CMSS1: variants seen among roughly 807,000 people sequenced by gnomAD.
CMSS1 encodes the protein cms1 ribosomal small subunit homolog.
CMSS1 carries 33 observed loss-of-function variants against 43.5 expected under a neutral mutation model. The observed-to-expected ratio is 0.76, with a 90% CI of 0.57 to 1.01. The LOEUF is 1.01. Among genes scored for constraint, CMSS1 ranks in the 50% least tolerant of loss-of-function variants. CMSS1 has a pLI of 0.00. For missense variants in CMSS1, 313 were observed against 326.4 expected (o/e 0.96, Z 0.32); for synonymous variants, 115 against 117.2 (o/e 0.98, Z 0.12).
intron 6 of CMSS1, among the ~76,000 whole-genome samples, chr3:100,168,753 A>G (rs1200820028): frequency 6.6e-6 from 1 of 151,320 alleles, no homozygotes; most frequent in African/African-American, 2.4e-5. Flanking sequence ...TTTTTTTTTA[A>G]CTGGATAAAC....
intron 1 of CMSS1, among the ~76,000 whole-genome samples, chr3:99,885,947 A>G (rs1705881108): frequency 6.6e-6 from 1 of 152,210 alleles, no homozygotes; most frequent in Non-Finnish European, 1.5e-5. Flanking sequence ...GCCTCCAACA[A>G]CTAGTAGCAC....
intron 1 of CMSS1, among the ~76,000 whole-genome samples, chr3:100,134,520 A>T (rs1342656670): frequency 6.6e-6 from 1 of 152,202 alleles, no homozygotes; most frequent in Non-Finnish European, 1.5e-5. Context: ...GGACAGTAGT[A>T]ATCCATATTA....
At chr3:100,047,250 GA>G (rs1489045514) in intron 1 of CMSS1, among the ~76,000 whole-genome samples, 1 of 152,058 alleles carries the variant, frequency 6.6e-6, no homozygotes, top group Admixed American at 6.6e-5. Flanking sequence ...CTTCTTTTGA[GA>G]ACAATATATC....
rs143811215 is a variant in CMSS1 at position 100,125,978 on chromosome 3, G to A, written c.65-20995G>A. ...AGGAACTTGTGGTATAAAGGGTCAT[G>A]TTAATATTTGCCACCAAGTTAAAAA... On this transcript the variant is annotated intron_variant, in intron 1 of 9. Coordinates refer to ENST00000421999, the MANE Select transcript of CMSS1 (RefSeq NM_032359.4). 2.9e-3 allele frequency among the ~76,000 whole-genome samples: 443 copies of A among 152,256 alleles called. 2 individuals are homozygous for A. The highest frequency in any genetic ancestry group is 0.013 in the South Asian group (63 of 4,826).
chr3:100,063,395 T>C, intron 1 of CMSS1, among the ~76,000 whole-genome samples: 1 of 152,222 alleles, frequency 6.6e-6, no homozygotes, highest in Middle Eastern at 3.4e-3. Flanking sequence ...AATTATTGTA[T>C]TCTTCTTGGT....
chr3:99,927,695 A>G (rs1707339612), intron 1 of CMSS1, among the ~76,000 whole-genome samples: 1 of 152,104 alleles, frequency 6.6e-6, no homozygotes. Context: ...TATTTTTTGG[A>G]AGAACTAAGA....
intron 1 of CMSS1, among the ~76,000 whole-genome samples, chr3:99,979,772 A>G (rs1709067530): frequency 6.6e-6 from 1 of 152,222 alleles, no homozygotes. Flanking sequence ...GGATATAAAG[A>G]GGAATGGGAC....
chr3:100,131,492 G>T (rs1461365939), intron 1 of CMSS1, among the ~76,000 whole-genome samples: 1 of 152,180 alleles, frequency 6.6e-6, no homozygotes, highest in Non-Finnish European at 1.5e-5. Flanking sequence ...AGTGGCAGAG[G>T]TGTGATGTGA....
chr3:100,052,020 A>T (rs926135514), intron 1 of CMSS1, among the ~76,000 whole-genome samples: 11 of 151,570 alleles, frequency 7.3e-5, no homozygotes, highest in Admixed American at 7.2e-4. Flanking sequence ...CAAGAAACAC[A>T]TGCAATTTAC....
intron 1 of CMSS1, among the ~76,000 whole-genome samples, chr3:100,005,756 T>C (rs1386618466): frequency 6.6e-6 from 1 of 151,856 alleles, no homozygotes; most frequent in Non-Finnish European, 1.5e-5. Flanking sequence ...TGAGGAAGAG[T>C]GTTGTGAATT....
intron 1 of CMSS1, among the ~76,000 whole-genome samples, chr3:99,827,777 G>A (rs1320509744): frequency 1.5e-4 from 23 of 151,994 alleles, no homozygotes; most frequent in Admixed American, 1.5e-3. Context: ...GGCTAATTTT[G>A]CATTTTTAGT....
chr3:99,977,808 T>A (rs1709014483), intron 1 of CMSS1, among the ~76,000 whole-genome samples: 1 of 152,180 alleles, frequency 6.6e-6, no homozygotes, highest in African/African-American at 2.4e-5. Context: ...TCTGATGGCC[T>A]AAACCTAGGC....
intron 1 of CMSS1, among the ~76,000 whole-genome samples, chr3:99,925,464 C>T (rs1319628138): frequency 6.6e-6 from 1 of 152,156 alleles, no homozygotes; most frequent in African/African-American, 2.4e-5. Flanking sequence ...GCCCAGTTTA[C>T]AGACTGGAAA....
chr3:100,174,530 A>G (rs1193700843), intron 8 of CMSS1, among the ~76,000 whole-genome samples: 2 of 152,232 alleles, frequency 1.3e-5, no homozygotes, highest in East Asian at 3.8e-4. Context: ...GCGATTTTTA[A>G]AAAAATATTA....
intron 1 of CMSS1, chr3:99,848,898 ACT>A: frequency 6.2e-7 from 1 of 1,611,550 alleles, no homozygotes; most frequent in Non-Finnish European, 8.5e-7. Flanking sequence ...AAGAGTGAGG[ACT>A]CTCTGTGGTT....
intron 1 of CMSS1, among the ~76,000 whole-genome samples, chr3:100,042,272 T>G (rs2065217553): frequency 6.6e-6 from 1 of 152,186 alleles, no homozygotes; most frequent in Admixed American, 6.5e-5. Flanking sequence ...TCACAGAGCT[T>G]AGTGCTGTAA....
At chr3:100,096,176 TACA>T (rs1267051519) in intron 1 of CMSS1, among the ~76,000 whole-genome samples, 3 of 152,134 alleles carry the variant, frequency 2.0e-5, no homozygotes, top group African/African-American at 7.2e-5. Flanking sequence ...TGAAAATTGG[TACA>T]ACCACTGTGG....
intron 1 of CMSS1, among the ~76,000 whole-genome samples, chr3:99,926,740 TATTAA>T (rs1447076120): frequency 6.6e-6 from 1 of 152,234 alleles, no homozygotes; most frequent in Non-Finnish European, 1.5e-5. Context: ...AAGATATGTA[TATTAA>T]ATTTTATACA....
chr3:99,941,482 G>C (rs1017079658), intron 1 of CMSS1, among the ~76,000 whole-genome samples: 1 of 152,186 alleles, frequency 6.6e-6, no homozygotes, highest in African/African-American at 2.4e-5. Context: ...GGTAGAAGGT[G>C]GATGAAAAAC....
Sources: allele counts gnomAD v4.1 joint callset (sites outside exome capture counted in the v4.1 genomes callset), GRCh38; gene constraint gnomAD v4.1.1; transcripts MANE v1.5; gene names NCBI Gene and HGNC (gene_info 2026-07-23, HGNC 2026-07-21).